Variants in PPP1R9A observed in about 807,000 individuals in gnomAD.
PPP1R9A encodes the protein neurabin-1.
In PPP1R9A, 59 loss-of-function variants were observed where a neutral mutation model predicts 141.9. That is an observed-to-expected ratio of 0.42 (90% CI 0.34 to 0.52). The LOEUF is 0.52. Among genes scored for constraint, PPP1R9A ranks in the 20% least tolerant of loss-of-function variants. The probability of loss-of-function intolerance (pLI) is 0.10; values close to 1 mark genes in which losing one functional copy is unlikely to be tolerated. For missense variants in PPP1R9A, 1,444 were observed against 1,611.9 expected, an observed-to-expected ratio of 0.90 and a Z score of 1.78; for synonymous variants, 500 against 569.7, an observed-to-expected ratio of 0.88 and a Z score of 1.74.
intron 8 of PPP1R9A, among the ~76,000 whole-genome samples, chr7:95,246,496 C>T (rs967544829): frequency 7.9e-5 from 12 of 152,258 alleles, no homozygotes; most frequent in South Asian, 2.1e-4. Context: ...TCATGTACCT[C>T]GCTTAGTGGG....
intron 2 of PPP1R9A, among the ~76,000 whole-genome samples, chr7:94,989,230 T>C (rs1339861079): frequency 1.3e-5 from 2 of 152,106 alleles, no homozygotes; most frequent in African/African-American, 4.8e-5. Flanking sequence ...TTAACACTCT[T>C]ATCTAGATAC....
intron 2 of PPP1R9A, among the ~76,000 whole-genome samples, chr7:95,110,868 A>G (rs1336238175): frequency 6.6e-6 from 1 of 152,194 alleles, no homozygotes; most frequent in Admixed American, 6.5e-5. Context: ...TATAGGTCAT[A>G]CCATGAAACA....
chr7:95,228,590 C>T (rs184955114), intron 8 of PPP1R9A, among the ~76,000 whole-genome samples: 5 of 152,224 alleles, frequency 3.3e-5, no homozygotes, highest in East Asian at 3.9e-4. Flanking sequence ...TTAGAATATA[C>T]GTCAATATTG....
chr7:94,927,657 T>C (rs1266581997), intron 2 of PPP1R9A, among the ~76,000 whole-genome samples: 1 of 152,120 alleles, frequency 6.6e-6, no homozygotes, highest in Non-Finnish European at 1.5e-5. Context: ...TGTGTAGATA[T>C]TGAGATAAAT....
intron 2 of PPP1R9A, among the ~76,000 whole-genome samples, chr7:94,985,025 A>G (rs1295727252): frequency 6.6e-6 from 1 of 152,070 alleles, no homozygotes; most frequent in Non-Finnish European, 1.5e-5. Flanking sequence ...AAATTCTGGT[A>G]TGTTGTGTCT....
intron 2 of PPP1R9A, among the ~76,000 whole-genome samples, chr7:95,075,898 A>G (rs1317941766): frequency 6.6e-6 from 1 of 152,162 alleles, no homozygotes; most frequent in Non-Finnish European, 1.5e-5. Flanking sequence ...TCTGTGGGGC[A>G]GAGCAATGGG....
chr7:95,003,412 T>C (rs1803205512), intron 2 of PPP1R9A, among the ~76,000 whole-genome samples: 1 of 152,120 alleles, frequency 6.6e-6, no homozygotes, highest in South Asian at 2.1e-4. Flanking sequence ...GGGAAAAAAA[T>C]GCTTCCTTGT....
At chr7:95,119,804 C>A (rs1199955283) in intron 3 of PPP1R9A, among the ~76,000 whole-genome samples, 1 of 151,848 alleles carries the variant, frequency 6.6e-6, no homozygotes, top group East Asian at 1.9e-4. Context: ...GGTATAATCT[C>A]ATTTGTGTAA....
At chr7:95,109,235 A>C (rs1584733138) in intron 2 of PPP1R9A, among the ~76,000 whole-genome samples, 1 of 152,234 alleles carries the variant, frequency 6.6e-6, no homozygotes, top group South Asian at 2.1e-4. Flanking sequence ...TTCAAGACTC[A>C]GGTCAAATAT....
intron 2 of PPP1R9A, among the ~76,000 whole-genome samples, chr7:94,916,983 T>G (rs1006532116): frequency 1.3e-5 from 2 of 152,062 alleles, no homozygotes; most frequent in Non-Finnish European, 1.5e-5. Flanking sequence ...CCAGACTAAT[T>G]TTTATATTTT....
At chr7:95,079,337 C>T (rs994772520) in intron 2 of PPP1R9A, among the ~76,000 whole-genome samples, 1 of 152,114 alleles carries the variant, frequency 6.6e-6, no homozygotes, top group African/African-American at 2.4e-5. Flanking sequence ...TTCCATTGAT[C>T]TATATCTCTG....
At chr7:95,090,400 T>C (rs1156808513) in intron 2 of PPP1R9A, among the ~76,000 whole-genome samples, 1 of 152,028 alleles carries the variant, frequency 6.6e-6, no homozygotes, top group East Asian at 1.9e-4. Context: ...CAAATTTGCT[T>C]TTATAGTGTA....
rs1170598981 is a variant in PPP1R9A at position 95,295,520 on chromosome 7, T to TA, written c.*5218dup. Reference sequence around the variant, plus strand: ...TGACATAATTGGTGGCTGTGATGCTTACAGTCACTGCCTACTGGCTCTCTT... The same window carrying TA: ...TGACATAATTGGTGGCTGTGATGCTTAACAGTCACTGCCTACTGGCTCTCTT... On this transcript the variant is annotated 3_prime_UTR_variant, in exon 20 of 20. Transcript: ENST00000433360. 1 of 152,236 alleles carries TA rather than the reference T, an allele frequency of 6.6e-6. No individual in the cohort carries two copies. Among genetic ancestry groups the TA allele is most frequent in the African/African-American group, 2.4e-5 (1 of 41,460 alleles). The allele number at this position is 152,236 out of a possible 1,614,324, so 9.4% of individuals were successfully genotyped here. A position where few individuals can be genotyped will look rare whatever the true frequency, so the allele number is the denominator to read the frequency against.
At chr7:95,092,680 A>G (rs898738505) in intron 2 of PPP1R9A, among the ~76,000 whole-genome samples, 2 of 152,246 alleles carry the variant, frequency 1.3e-5, no homozygotes, top group Non-Finnish European at 2.9e-5. Context: ...GAAGTAAGAC[A>G]CTAGTCCTGT....
intron 17 of PPP1R9A, among the ~76,000 whole-genome samples, chr7:95,285,923 T>C (rs1242374471): frequency 1.3e-5 from 2 of 152,204 alleles, no homozygotes; most frequent in Non-Finnish European, 2.9e-5. Context: ...ATTATTCCTC[T>C]GAGCAGTTGC....
chr7:95,239,213 G>A (rs1479700206), intron 8 of PPP1R9A, among the ~76,000 whole-genome samples: 12 of 152,066 alleles, frequency 7.9e-5, no homozygotes, highest in Non-Finnish European at 1.6e-4. Flanking sequence ...TGTATTTTGT[G>A]TCTTACAGCT....
intron 2 of PPP1R9A, among the ~76,000 whole-genome samples, chr7:94,951,112 A>G (rs1181937814): frequency 1.3e-5 from 2 of 152,152 alleles, no homozygotes; most frequent in African/African-American, 2.4e-5. Flanking sequence ...GTTATTATCA[A>G]TTTTAAAAAT....
At chr7:95,097,645 C>T (rs1818219779) in intron 2 of PPP1R9A, among the ~76,000 whole-genome samples, 2 of 152,200 alleles carry the variant, frequency 1.3e-5, no homozygotes, top group Admixed American at 1.3e-4. Flanking sequence ...CCTCTTACTA[C>T]TTATAATGAA....
chr7:94,994,702 T>C (rs531524105), intron 2 of PPP1R9A, among the ~76,000 whole-genome samples: 1 of 152,218 alleles, frequency 6.6e-6, no homozygotes, highest in Admixed American at 6.5e-5. Context: ...GAGACCATCC[T>C]GGCCAACATG....
Sources: gnomAD v4.1 joint callset for allele counts (sites outside exome capture counted in the v4.1 genomes callset) on GRCh38, gnomAD v4.1.1 for gene constraint, MANE v1.5 for transcripts, NCBI Gene and HGNC (gene_info 2026-07-23, HGNC 2026-07-21) for gene names.